The following NPAS3 variants were observed in gnomAD, a reference collection of about 807,000 sequenced individuals.
The protein encoded by NPAS3 is neuronal PAS domain-containing protein 3.
Under a neutral mutation model 73.1 loss-of-function variants are expected in NPAS3, and 14 were observed. That is an observed-to-expected ratio of 0.19 (90% confidence interval 0.13 to 0.30). NPAS3 has a LOEUF of 0.30. NPAS3 is among the 10% of genes least tolerant of loss of function. NPAS3 has a pLI of 1.00. For synonymous variants in NPAS3, 620 were observed against 541.5 expected (o/e 1.14, Z -2.01); for missense variants, 1,096 against 1,250.0 (o/e 0.88, Z 1.86).
intron 3 of NPAS3, among the ~76,000 whole-genome samples, chr14:33,233,644 A>G (rs967735730): frequency 6.6e-6 from 1 of 152,170 alleles, no homozygotes; most frequent in African/African-American, 2.4e-5. Flanking sequence ...ATGATTGACA[A>G]TAAAGCTAAT....
intron 3 of NPAS3, among the ~76,000 whole-genome samples, chr14:33,338,439 G>A (rs1288701282): frequency 1.3e-5 from 2 of 151,930 alleles, no homozygotes; most frequent in East Asian, 1.9e-4. Flanking sequence ...GGTGTGTTTT[G>A]GTATACTATC....
At chr14:33,162,825 A>T (rs1293077567) in intron 2 of NPAS3, among the ~76,000 whole-genome samples, 1 of 152,180 alleles carries the variant, frequency 6.6e-6, no homozygotes, top group African/African-American at 2.4e-5. Flanking sequence ...GTTTGCTCTG[A>T]TATTTTTCCT....
At chr14:33,095,329 G>A (rs528678905) in intron 2 of NPAS3, among the ~76,000 whole-genome samples, 1 of 152,274 alleles carries the variant, frequency 6.6e-6, no homozygotes, top group African/African-American at 2.4e-5. Flanking sequence ...AATTATTCAG[G>A]TGGATGACAA....
At chr14:33,002,392 G>A (rs1003818649) in intron 1 of NPAS3, among the ~76,000 whole-genome samples, 6 of 152,200 alleles carry the variant, frequency 3.9e-5, no homozygotes, top group African/African-American at 1.2e-4. Context: ...AGGCAATTGG[G>A]AGCCATTGAT....
intron 3 of NPAS3, among the ~76,000 whole-genome samples, chr14:33,281,817 T>C (rs1193885714): frequency 6.6e-6 from 1 of 152,174 alleles, no homozygotes; most frequent in Non-Finnish European, 1.5e-5. Flanking sequence ...ATATTACATT[T>C]ATTTATCTAG....
At chr14:33,660,862 C>G (rs1170462928) in intron 5 of NPAS3, among the ~76,000 whole-genome samples, 1 of 152,168 alleles carries the variant, frequency 6.6e-6, no homozygotes, top group East Asian at 1.9e-4. Flanking sequence ...CCAGCAAGCC[C>G]AGGACTTCCA....
At chr14:33,771,647 T>G (rs2062655304) in intron 7 of NPAS3, among the ~76,000 whole-genome samples, 1 of 151,854 alleles carries the variant, frequency 6.6e-6, no homozygotes, top group Admixed American at 6.6e-5. Flanking sequence ...CCGTCTCTAC[T>G]AAAAATACAA....
chr14:33,128,704 A>G (rs1240208174), intron 2 of NPAS3, among the ~76,000 whole-genome samples: 1 of 152,148 alleles, frequency 6.6e-6, no homozygotes, highest in Non-Finnish European at 1.5e-5. Flanking sequence ...TGTATACTCA[A>G]TACATATTTG....
intron 5 of NPAS3, among the ~76,000 whole-genome samples, chr14:33,590,974 C>A (rs1567035598): frequency 6.6e-6 from 1 of 152,166 alleles, no homozygotes; most frequent in Non-Finnish European, 1.5e-5. Flanking sequence ...TTTTTGGTGA[C>A]CCTACATCCC....
chr14:33,737,386 G>A (rs986229615), intron 7 of NPAS3, among the ~76,000 whole-genome samples: 6 of 152,260 alleles, frequency 3.9e-5, no homozygotes, highest in East Asian at 1.9e-4. Flanking sequence ...AACAAAAGAC[G>A]TAAAAGTGCA....
chr14:32,937,965 T>C (rs1314782947), upstream of NPAS3, among the ~76,000 whole-genome samples: 2 of 152,116 alleles, frequency 1.3e-5, no homozygotes, highest in East Asian at 3.9e-4. Context: ...AGCCAGCCTT[T>C]CTCTAGGCCT....
chr14:33,038,326 C>T (rs950753363), intron 1 of NPAS3, among the ~76,000 whole-genome samples: 2 of 151,922 alleles, frequency 1.3e-5, no homozygotes, highest in Non-Finnish European at 2.9e-5. Flanking sequence ...ACCTGGATGC[C>T]TAGGATCAGG....
In NPAS3 at chr14:33,350,132, AATT is replaced by A. The variant is rs1269477782; in HGVS notation, c.386-17053_386-17051del. ...TTAAGTAGAGGGTACTTTGTTATCA[AATT>A]CACTGTAATGAGCTCTGGTGGGACA... On this transcript the variant is annotated intron_variant, in intron 3 of 11. Coordinates refer to ENST00000356141, the Ensembl canonical transcript of NPAS3. 3.9e-5 allele frequency among the ~76,000 whole-genome samples: 6 copies of A among 152,166 alleles called. No homozygotes were observed. In the East Asian group the frequency reaches 9.6e-4, roughly 24 times the overall value.
intron 2 of NPAS3, among the ~76,000 whole-genome samples, chr14:33,200,523 C>T (rs948585010): frequency 6.6e-6 from 1 of 151,992 alleles, no homozygotes; most frequent in African/African-American, 2.4e-5. Flanking sequence ...CCTTTATGTG[C>T]CCCATAATTA....
intron 2 of NPAS3, among the ~76,000 whole-genome samples, chr14:33,212,942 A>G (rs574351500): frequency 6.6e-6 from 1 of 152,350 alleles, no homozygotes; most frequent in Admixed American, 6.5e-5. Flanking sequence ...ATGTTTGACT[A>G]TGACATGTTT....
chr14:33,138,893 GGAAA>G (rs1170073728), intron 2 of NPAS3, among the ~76,000 whole-genome samples: 4 of 152,168 alleles, frequency 2.6e-5, no homozygotes, highest in African/African-American at 9.7e-5. Context: ...GTCGTGACAA[GGAAA>G]GAAAGAGGAA....
At chr14:33,405,265 G>T (rs2047615850) in intron 4 of NPAS3, among the ~76,000 whole-genome samples, 2 of 152,122 alleles carry the variant, frequency 1.3e-5, no homozygotes, top group East Asian at 1.9e-4. Context: ...TATAGAACAG[G>T]TGTTTTAATC....
intron 3 of NPAS3, among the ~76,000 whole-genome samples, chr14:33,331,725 T>C (rs2140278580): frequency 6.6e-6 from 1 of 152,344 alleles, no homozygotes; most frequent in African/African-American, 2.4e-5. Flanking sequence ...AGGGCTTCTC[T>C]ATGAATAAAA....
chr14:33,103,476 CT>C (rs1360648567), intron 2 of NPAS3, among the ~76,000 whole-genome samples: 1 of 152,152 alleles, frequency 6.6e-6, no homozygotes, highest in African/African-American at 2.4e-5. Flanking sequence ...CTTTTACAAG[CT>C]TTGGTGTCCT....
Sources: allele counts gnomAD v4.1 joint callset (sites outside exome capture counted in the v4.1 genomes callset), GRCh38; gene constraint gnomAD v4.1.1; transcripts MANE v1.5; gene names NCBI Gene and HGNC (gene_info 2026-07-23, HGNC 2026-07-21).